SP140: variants seen among roughly 807,000 people sequenced by gnomAD.
The protein encoded by SP140 is nuclear body protein SP140.
A neutral mutation model predicts 125.0 loss-of-function variants in SP140; 81 were observed. The observed-to-expected ratio is 0.65, with a 90% CI of 0.54 to 0.78. SP140 has a LOEUF of 0.78. Ranked by LOEUF, SP140 falls within the 30% of genes least tolerant of loss-of-function variation. The probability of loss-of-function intolerance (pLI) is 0.00; values close to 1 mark genes in which losing one functional copy is unlikely to be tolerated. For missense variants in SP140, 858 were observed against 1,037.0 expected, an observed-to-expected ratio of 0.83 and a Z score of 2.37; for synonymous variants, 312 against 354.0, an observed-to-expected ratio of 0.88 and a Z score of 1.33.
the SP140 span, among the ~76,000 whole-genome samples, chr2:230,192,351 G>C: frequency 1.3e-5 from 2 of 152,146 alleles, no homozygotes; most frequent in Non-Finnish European, 2.9e-5. Flanking sequence ...AGTTGTTTCT[G>C]TTTGCAGATG....
At chr2:230,216,607 A>G (rs1157356225) in intron 3 of SP140, among the ~76,000 whole-genome samples, 28 of 152,202 alleles carry the variant, frequency 1.8e-4, no homozygotes, top group Non-Finnish European at 5.9e-5. Flanking sequence ...CTAGAAACCA[A>G]CATAGCCCCT....
In SP140 at chr2:230,308,747, T is replaced by C. The variant is rs551779908; in HGVS notation, c.2059-1177T>C. Among the ~76,000 whole-genome samples, 99 of 152,326 alleles carry C rather than the reference T, an allele frequency of 6.5e-4. 1 individual carries two copies. Among genetic ancestry groups the C allele is most frequent in the African/African-American group, 2.2e-3 (93 of 41,576 alleles). On this transcript the variant is annotated intron_variant, in intron 22 of 26. Transcript: ENST00000392045. The stretch of plus-strand genomic sequence containing the variant: ...ACGCAGAAGGTGCAAGCGGTCCTCT[T>C]GATCAGAAGTGTTGGTAGGAAACCT...
At position 230,211,642 on chromosome 2, in the gene SP140, T is replaced by C. The variant is rs2044491002; in HGVS notation, c.-322-2012T>C. 1 of 856,674 alleles carries C rather than the reference T, an allele frequency of 1.2e-6. No homozygotes were observed. Among genetic ancestry groups the C allele is most frequent in the East Asian group, 2.4e-5 (1 of 41,218 alleles). The allele number at this position is 856,674 out of a possible 1,614,324, so 53.1% of individuals were successfully genotyped here. ...AAAGAGAATGCTCTATTCCAACAAG[T>C]AAAAATGACGGGGTAACAGCAACCA... is the stretch of plus-strand genomic sequence containing the variant. On this transcript the variant is annotated intron_variant, in intron 1 of 4. Transcript: ENST00000456542. The surrounding 1 kb of genome is among the most constrained non-coding windows in gnomAD (Gnocchi z 4.2).
chr2:230,223,900 G>C (rs1035429545), upstream of SP140, among the ~76,000 whole-genome samples: 3 of 152,176 alleles, frequency 2.0e-5, no homozygotes, highest in African/African-American at 4.8e-5. Context: ...AAATCTGGAT[G>C]GGGGAACAGA....
At chr2:230,281,803 C>T (rs1158236429) in intron 15 of SP140, among the ~76,000 whole-genome samples, 6 of 152,128 alleles carry the variant, frequency 3.9e-5, no homozygotes, top group African/African-American at 7.2e-5. Context: ...TTATAATTCT[C>T]CTATTGATGG....
chr2:230,273,710 T>C (rs2054275791), intron 15 of SP140, among the ~76,000 whole-genome samples: 1 of 152,142 alleles, frequency 6.6e-6, no homozygotes, highest in African/African-American at 2.4e-5. Context: ...TGTCCAGCAA[T>C]GATAGACTGG....
intron 12 of SP140, among the ~76,000 whole-genome samples, chr2:230,267,871 A>G (rs2053362197): frequency 6.6e-6 from 1 of 152,222 alleles, no homozygotes; most frequent in Admixed American, 6.5e-5. Flanking sequence ...ACAAGACACT[A>G]GGTGCCCTCA....
At chr2:230,214,345 C>A (rs1313925421) in intron 3 of SP140, among the ~76,000 whole-genome samples, 1 of 152,124 alleles carries the variant, frequency 6.6e-6, no homozygotes, top group Non-Finnish European at 1.5e-5. Context: ...TTCCAGCTGT[C>A]CTTGTCCGGA....
At chr2:230,297,197 T>C (rs1378744534) in intron 21 of SP140, among the ~76,000 whole-genome samples, 2 of 152,184 alleles carry the variant, frequency 1.3e-5, no homozygotes, top group Non-Finnish European at 2.9e-5. Context: ...TTCTAGTTGG[T>C]AAAATCTCTA....
rs995335442 is a variant in SP140 at position 230,236,221 on chromosome 2, C to A, written c.60-862C>A. ...ACCTTACCAGATGAGAGTCTTTGAACCAATTTTATGATGCAGAATGCCACC... is the reference window on the plus strand; with the variant it reads ...ACCTTACCAGATGAGAGTCTTTGAAACAATTTTATGATGCAGAATGCCACC... On this transcript the variant is annotated intron_variant, in intron 1 of 26. Coordinates refer to ENST00000392045, the MANE Select transcript of SP140 (RefSeq NM_007237.5). 1.1e-4 allele frequency among the ~76,000 whole-genome samples: 17 copies of A among 152,248 alleles called. No homozygotes were observed. The East Asian group carries it at 3.3e-3, about 29-fold the overall frequency.
intron 22 of SP140, among the ~76,000 whole-genome samples, chr2:230,299,070 G>T (rs1042295748): frequency 2.6e-5 from 4 of 152,166 alleles, no homozygotes; most frequent in African/African-American, 9.7e-5. Context: ...AGAACAAAAT[G>T]GCAGATAGGA....
intron 6 of SP140, 101 bp downstream of exon 6, chr2:230,245,181 C>A: frequency 1.3e-6 from 1 of 749,446 alleles, no homozygotes; most frequent in Non-Finnish European, 2.2e-6. Flanking sequence ...CTGTAACACA[C>A]TTTTGTTCAG....
At chr2:230,204,870 A>G (rs1038429165) in intron 1 of SP140, among the ~76,000 whole-genome samples, 2 of 152,224 alleles carry the variant, frequency 1.3e-5, no homozygotes, top group African/African-American at 4.8e-5. Flanking sequence ...TTCAGAATAT[A>G]GCATCCAAAG....
intron 9 of SP140, 55 bp downstream of exon 9, chr2:230,249,023 CA>C (rs2049943525): frequency 3.4e-6 from 5 of 1,450,514 alleles, no homozygotes; most frequent in Non-Finnish European, 4.8e-6. Flanking sequence ...TTCTAGTTGG[CA>C]TGGAAAAAAA....
chr2:230,220,504 A>G (rs897326558), intron 3 of SP140, among the ~76,000 whole-genome samples: 1 of 152,246 alleles, frequency 6.6e-6, no homozygotes, highest in African/African-American at 2.4e-5. Flanking sequence ...GAACCTGCAC[A>G]TGAACTGGAA....
At chr2:230,225,974 T>C (rs961975852) in intron 1 of SP140, 71 bp downstream of exon 1, 69 of 1,203,202 alleles carry the variant, frequency 5.7e-5, no homozygotes, top group Admixed American at 1.9e-4. Context: ...TGTTATTTAA[T>C]GTCTACCCAG....
At chr2:230,289,239 T>A (rs2056838956) in intron 18 of SP140, among the ~76,000 whole-genome samples, 1 of 152,376 alleles carries the variant, frequency 6.6e-6, no homozygotes, top group South Asian at 2.1e-4. Context: ...CTTTTATTCA[T>A]GTTTGTTGGC....
intron 1 of SP140, among the ~76,000 whole-genome samples, chr2:230,207,747 C>T (rs1441321577): frequency 6.6e-6 from 1 of 152,162 alleles, no homozygotes; most frequent in Non-Finnish European, 1.5e-5. Context: ...GATCTGAATC[C>T]AAGCCACCAA....
At position 230,245,211 on chromosome 2, in the gene SP140, G is replaced by C. The variant is rs2049257940; in HGVS notation, c.664+131G>C. On this transcript the variant is annotated intron_variant, in intron 6 of 26. Transcript: ENST00000392045. ...GTTCAGCCTGTGGTTGTTTTCCCCA[G>C]GTGTGTGGGAGGCAAGAGGTAAAGG... 12 of 617,002 alleles carry C rather than the reference G, an allele frequency of 1.9e-5. No homozygotes were observed. The South Asian group carries it at 2.3e-4, about 12-fold the overall frequency. 38.2% of individuals were successfully genotyped at this position (617,002 alleles called of 1,614,324 possible). A position where few individuals can be genotyped will look rare whatever the true frequency, so the allele number is the denominator to read the frequency against.
Sources: allele counts gnomAD v4.1 joint callset (sites outside exome capture counted in the v4.1 genomes callset), GRCh38; gene constraint gnomAD v4.1.1; non-coding constraint Gnocchi (gnomAD v3.1); transcripts MANE v1.5; gene names NCBI Gene and HGNC (gene_info 2026-07-23, HGNC 2026-07-21).